Variants in CREB5 observed in about 807,000 individuals in gnomAD.
The protein encoded by CREB5 is cAMP responsive element binding protein 5.
Under a neutral mutation model 57.1 loss-of-function variants are expected in CREB5, and 19 were observed. That is an observed-to-expected ratio of 0.33 (90% CI 0.23 to 0.49). The LOEUF is 0.49. CREB5 is among the 20% of genes least tolerant of loss of function. The probability of loss-of-function intolerance (pLI) is 0.99; values close to 1 mark genes in which losing one functional copy is unlikely to be tolerated. For missense variants in CREB5, 579 were observed against 671.6 expected, an observed-to-expected ratio of 0.86 and a Z score of 1.52; for synonymous variants, 238 against 238.3, an observed-to-expected ratio of 1.00 and a Z score of 0.01.
At chr7:28,577,462 A>T (rs913466598) in intron 5 of CREB5, among the ~76,000 whole-genome samples, 2 of 152,228 alleles carry the variant, frequency 1.3e-5, no homozygotes, top group African/African-American at 4.8e-5. Context: ...GGTGAATAAC[A>T]GCAACCTCTT....
At chr7:28,452,813 T>C (rs781623168) in intron 1 of CREB5, among the ~76,000 whole-genome samples, 6 of 152,164 alleles carry the variant, frequency 3.9e-5, no homozygotes, top group Non-Finnish European at 8.8e-5. Context: ...GGGGACTCAG[T>C]CCACAGAGCT....
intron 4 of CREB5, among the ~76,000 whole-genome samples, chr7:28,541,988 A>C (rs1794228521): frequency 6.6e-6 from 1 of 152,196 alleles, no homozygotes; most frequent in South Asian, 2.1e-4. Flanking sequence ...GTGTGACTTA[A>C]AGCTATTTAT....
chr7:28,479,631 C>T (rs191136771), intron 1 of CREB5, among the ~76,000 whole-genome samples: 18 of 152,292 alleles, frequency 1.2e-4, no homozygotes, highest in Admixed American at 2.6e-4. Flanking sequence ...CTGTGTTCAA[C>T]GGACATCGTG....
chr7:28,371,595 C>T (rs982975024), intron 1 of CREB5, among the ~76,000 whole-genome samples: 1 of 152,142 alleles, frequency 6.6e-6, no homozygotes, highest in Non-Finnish European at 1.5e-5. Context: ...CGGGCAGCAC[C>T]ACCATGGCCC....
At chr7:28,356,666 A>C (rs923523818) in intron 1 of CREB5, among the ~76,000 whole-genome samples, 3 of 152,334 alleles carry the variant, frequency 2.0e-5, no homozygotes, top group African/African-American at 7.2e-5. Flanking sequence ...AAGTACAGGT[A>C]GATGGCCTAG....
chr7:28,479,727 A>G (rs1791244103), intron 1 of CREB5, among the ~76,000 whole-genome samples: 1 of 152,208 alleles, frequency 6.6e-6, no homozygotes, highest in Admixed American at 6.5e-5. Flanking sequence ...GTCGTGGGAA[A>G]AAAGCACCCA....
At chr7:28,718,544 A>G (rs1802834912) in intron 5 of CREB5, among the ~76,000 whole-genome samples, 1 of 152,224 alleles carries the variant, frequency 6.6e-6, no homozygotes, top group African/African-American at 2.4e-5. Flanking sequence ...ATGAAGTGGA[A>G]TTTGATATAT....
intron 1 of CREB5, among the ~76,000 whole-genome samples, chr7:28,343,071 G>C (rs916991038): frequency 1.4e-4 from 21 of 152,164 alleles, no homozygotes; most frequent in African/African-American, 5.1e-4. Flanking sequence ...CTCCCGAGTA[G>C]CTGGGACTAC....
intron 4 of CREB5, among the ~76,000 whole-genome samples, chr7:28,511,054 A>G (rs190892267): frequency 5.3e-5 from 8 of 152,254 alleles, no homozygotes; most frequent in Admixed American, 2.6e-4. Flanking sequence ...AAAGATGATA[A>G]AAAACAAACA....
intron 1 of CREB5, among the ~76,000 whole-genome samples, chr7:28,383,603 G>A (rs753756594): frequency 2.0e-5 from 3 of 152,128 alleles, no homozygotes; most frequent in Non-Finnish European, 4.4e-5. Flanking sequence ...GTGGGAGGAG[G>A]TGGCACACAC....
intron 4 of CREB5, among the ~76,000 whole-genome samples, chr7:28,510,319 T>C (rs989102827): frequency 1.3e-5 from 2 of 152,242 alleles, no homozygotes; most frequent in African/African-American, 4.8e-5. Context: ...TTCTGACAAT[T>C]ATTTCTTTTT....
At chr7:28,783,868 GC>G (rs1328458029) in intron 7 of CREB5, among the ~76,000 whole-genome samples, 1 of 152,194 alleles carries the variant, frequency 6.6e-6, no homozygotes, top group African/African-American at 2.4e-5. Context: ...TCTTAAACAA[GC>G]CACTTACAGA....
intron 5 of CREB5, among the ~76,000 whole-genome samples, chr7:28,617,992 T>G (rs562925549): frequency 4.6e-5 from 7 of 150,568 alleles, no homozygotes; most frequent in Non-Finnish European, 1.0e-4. Flanking sequence ...TGAGGCAAAC[T>G]TTGAAAGCGC....
chr7:28,451,105 G>A (rs78165627), intron 1 of CREB5, among the ~76,000 whole-genome samples: 6,498 of 152,206 alleles, frequency 0.043, 442 homozygotes, highest in African/African-American at 0.15. Context: ...AACTTTAAAG[G>A]GGTCTGTGCT....
chr7:28,638,625 G>A (rs2128698442), intron 5 of CREB5, among the ~76,000 whole-genome samples: 1 of 152,196 alleles, frequency 6.6e-6, no homozygotes, highest in Middle Eastern at 3.4e-3. Context: ...AGGACTGCAG[G>A]TGTGTGCCAC....
intron 5 of CREB5, among the ~76,000 whole-genome samples, chr7:28,651,913 A>G (rs1799142893): frequency 1.3e-5 from 2 of 152,184 alleles, no homozygotes; most frequent in Admixed American, 1.3e-4. Flanking sequence ...TGAGAGCTGA[A>G]TTCCAGTTCT....
chr7:28,447,050 A>C (rs550439423), intron 1 of CREB5, among the ~76,000 whole-genome samples: 1 of 152,266 alleles, frequency 6.6e-6, no homozygotes, highest in South Asian at 2.1e-4. Flanking sequence ...TGGGCAAGTT[A>C]CTAACTTCTC....
At chr7:28,574,854 A>G (rs574402228) in intron 5 of CREB5, among the ~76,000 whole-genome samples, 53 of 152,360 alleles carry the variant, frequency 3.5e-4, no homozygotes, top group Middle Eastern at 6.8e-3. Context: ...CTGATTTTAC[A>G]CCAATTTTAA....
At chr7:28,815,850 CTTGT>C (rs1172874957) in intron 9 of CREB5, among the ~76,000 whole-genome samples, 3 of 152,002 alleles carry the variant, frequency 2.0e-5, no homozygotes, top group South Asian at 2.1e-4. Flanking sequence ...TAATACTTTT[CTTGT>C]TTGTTTTCTA....
Sources: gnomAD v4.1 joint callset for allele counts (sites outside exome capture counted in the v4.1 genomes callset) on GRCh38, gnomAD v4.1.1 for gene constraint, MANE v1.5 for transcripts, NCBI Gene and HGNC (gene_info 2026-07-23, HGNC 2026-07-21) for gene names.